The following CA4 variants were observed in gnomAD, a reference collection of about 807,000 sequenced individuals.
CA4 encodes the protein carbonic anhydrase 4.
Under a neutral mutation model 34.5 loss-of-function variants are expected in CA4, and 24 were observed. The ratio of observed to expected loss-of-function variants is 0.70; its 90% CI spans 0.50 to 0.98. The LOEUF is 0.98. Ranked by LOEUF, CA4 falls within the 50% of genes least tolerant of loss-of-function variation. CA4 has a pLI of 0.00. For missense variants in CA4, 394 were observed against 396.7 expected (o/e 0.99, Z 0.06); for synonymous variants, 178 against 170.6 (o/e 1.04, Z -0.34).
chr17:60,173,117 T>G (rs757444570), downstream of CA4, among the ~76,000 whole-genome samples: 6 of 152,222 alleles, frequency 3.9e-5, no homozygotes, highest in African/African-American at 1.4e-4. Flanking sequence ...CACTCCAGCC[T>G]GGGCAACAAG....
intron 3 of CA4, 197 bp downstream of exon 3, chr17:60,156,912 C>G: frequency 3.1e-6 from 2 of 640,592 alleles, no homozygotes; most frequent in South Asian, 1.8e-5. Flanking sequence ...TCAGACCAGT[C>G]TGGGATGTGG....
At chr17:60,153,688 T>A (rs1166902125) in intron 1 of CA4, among the ~76,000 whole-genome samples, 1 of 152,190 alleles carries the variant, frequency 6.6e-6, no homozygotes, top group East Asian at 1.9e-4. Context: ...AACTCCCCTG[T>A]GGAGACTGAG....
chr17:60,163,224 C>T (rs1009844881), downstream of CA4, among the ~76,000 whole-genome samples: 3 of 152,056 alleles, frequency 2.0e-5, no homozygotes, highest in African/African-American at 4.8e-5. Flanking sequence ...GCCCATGGTT[C>T]GTGCAGGCTG....
chr17:60,155,193 C>T lies in CA4; in HGVS notation c.59-121C>T, dbSNP rs559509910. The T allele has an allele frequency of 2.8e-5, 24 of 842,676 alleles. 2 individuals are homozygous for T. The highest frequency in any genetic ancestry group is 1.6e-4 in the East Asian group (6 of 37,226). 52.2% of individuals were successfully genotyped at this position (842,676 alleles called of 1,614,324 possible). On this transcript the variant is annotated intron_variant, in intron 1 of 7. Coordinates refer to ENST00000300900, the MANE Select transcript of CA4 (RefSeq NM_000717.5). The stretch of plus-strand genomic sequence containing the variant: ...GGGCCCTCAATCCTGCTGCCAGGAA[C>T]ACTCCATCCCAGCCCAAGAGGGGCT...
At chr17:60,152,991 G>C (rs954756137) in intron 1 of CA4, among the ~76,000 whole-genome samples, 3 of 152,176 alleles carry the variant, frequency 2.0e-5, no homozygotes, top group Admixed American at 2.0e-4. Flanking sequence ...ACTTGGGAAG[G>C]TCCAGATACT....
the CA4 span, among the ~76,000 whole-genome samples, chr17:60,176,273 T>A: frequency 6.6e-6 from 1 of 152,194 alleles, no homozygotes; most frequent in Non-Finnish European, 1.5e-5. Flanking sequence ...TATCGTTGGA[T>A]TGAGCACTTA....
At chr17:60,163,265 AC>A (rs2083814028), downstream of CA4, among the ~76,000 whole-genome samples, 2 of 152,070 alleles carry the variant, frequency 1.3e-5, no homozygotes, top group Admixed American at 1.3e-4. Context: ...GGGCGCCTAT[AC>A]CGACAGGGCC....
chr17:60,170,225 G>A (rs990851865), intron 5 of CA4, among the ~76,000 whole-genome samples: 2 of 152,194 alleles, frequency 1.3e-5, no homozygotes, highest in African/African-American at 2.4e-5. Context: ...GAAGGAAAAG[G>A]CCCCAGTTTA....
chr17:60,150,201 C>A, intron 1 of CA4, 109 bp downstream of exon 1: 2 of 937,470 alleles, frequency 2.1e-6, no homozygotes, highest in Non-Finnish European at 3.2e-6. Context: ...GCGTCGGTGG[C>A]GCTGGGGTCC....
the CA4 span, among the ~76,000 whole-genome samples, chr17:60,177,818 T>G: frequency 5.9e-5 from 9 of 152,190 alleles, no homozygotes; most frequent in African/African-American, 2.2e-4. Flanking sequence ...CACAAATACT[T>G]AGTTACATTG....
At chr17:60,154,906 C>T (rs544265556) in intron 1 of CA4, among the ~76,000 whole-genome samples, 13 of 152,310 alleles carry the variant, frequency 8.5e-5, no homozygotes, top group Admixed American at 2.0e-4. Flanking sequence ...GTCCCAGGAG[C>T]GGAGGCTGGG....
At chr17:60,171,928 C>T (rs548719403), downstream of CA4, among the ~76,000 whole-genome samples, 2 of 152,202 alleles carry the variant, frequency 1.3e-5, no homozygotes, top group Non-Finnish European at 2.9e-5. Context: ...AAGTGCTGAG[C>T]AAACACTGCG....
chr17:60,159,426 G>A lies in CA4; in HGVS notation c.*2G>A, dbSNP rs1405248057. On this transcript the variant is annotated 3_prime_UTR_variant, in exon 8 of 8. Coordinates refer to ENST00000300900, the MANE Select transcript of CA4 (RefSeq NM_000717.5). ...CTGCTGGCCGGCTTCCTGCGATGAT[G>A]GCTCACTTCTGCACGCAGCCTCTCT... is the stretch of plus-strand genomic sequence containing the variant. The A allele has an allele frequency of 6.2e-7, 1 of 1,611,062 alleles. No homozygotes were observed. The highest frequency in any genetic ancestry group is 8.5e-7 in the Non-Finnish European group (1 of 1,179,606).
chr17:60,157,955 C>T (rs1307556167), intron 5 of CA4, 106 bp from the exon 6 acceptor site: 1 of 1,561,186 alleles, frequency 6.4e-7, no homozygotes, highest in South Asian at 1.2e-5. Flanking sequence ...CCCAGAGCCT[C>T]AATCCCAGAA....
downstream of CA4, among the ~76,000 whole-genome samples, chr17:60,164,285 T>C (rs779866171): frequency 5.3e-5 from 8 of 150,346 alleles, no homozygotes; most frequent in South Asian, 2.2e-4. Flanking sequence ...CCCTCCCTCC[T>C]TTCTTTCTTT....
In CA4 at chr17:60,157,758, C is replaced by T. The variant is rs550453527; in HGVS notation, c.483C>T (p.Asp161=). ...RNVKEAQDPE[D]EIAVLAFLVE... ...TGAAAGAGGCCCAGGACCCTGAAGA[C>T]GAAATTGCGGTGCTGGCCTTTCTGG... Residue 161 remains aspartate, a synonymous_variant, in exon 5 of 8, where the codon GAC becomes GAT. Coordinates refer to ENST00000300900, the MANE Select transcript of CA4 (RefSeq NM_000717.5). 48 of 1,613,828 alleles carry T rather than the reference C, an allele frequency of 3.0e-5. 1 individual carries two copies. The highest frequency in any genetic ancestry group is 2.0e-4 in the South Asian group (18 of 91,086).
chr17:60,163,157 G>C (rs1034130939), downstream of CA4, among the ~76,000 whole-genome samples: 2 of 151,844 alleles, frequency 1.3e-5, no homozygotes, highest in African/African-American at 4.8e-5. Flanking sequence ...GGGGAGGAAG[G>C]TGGGGCGGAG....
At position 60,159,246 on chromosome 17, in the gene CA4, A is replaced by C. The variant is rs150432787; in HGVS notation, c.761A>C (p.Gln254Pro). ...CTTCCGCAGATCCTGGCATTCTCTCAGAAGCTGTACTACGACAAGGAACAG... is the reference window on the plus strand; with the variant it reads ...CTTCCGCAGATCCTGGCATTCTCTCCGAAGCTGTACTACGACAAGGAACAG... ...LHREQILAFS[Q>P]KLYYDKEQTV... The change falls in exon 8 of 8, where the codon CAG (glutamine) becomes CCG (proline). Residue 254 changes from glutamine (Q) to proline (P), a missense_variant. Transcript: ENST00000300900. The C allele has an allele frequency of 3.0e-4, 489 of 1,604,506 alleles. No individual in the cohort carries two copies. Among genetic ancestry groups the C allele is most frequent in the Non-Finnish European group, 3.7e-4 (439 of 1,175,486 alleles).
At chr17:60,150,899 A>C (rs1468806241) in intron 1 of CA4, among the ~76,000 whole-genome samples, 3 of 141,560 alleles carry the variant, frequency 2.1e-5, no homozygotes, top group South Asian at 5.3e-4. Flanking sequence ...TGGCCTCCCT[A>C]ACCTCCAGCG....
Sources: gnomAD v4.1 joint callset for allele counts (sites outside exome capture counted in the v4.1 genomes callset) on GRCh38, gnomAD v4.1.1 for gene constraint, MANE v1.5 for transcripts, NCBI Gene and HGNC (gene_info 2026-07-23, HGNC 2026-07-21) for gene names.